ASIC2: variants seen among roughly 807,000 people sequenced by gnomAD.
The protein encoded by ASIC2 is acid-sensing ion channel 2.
A neutral mutation model predicts 57.3 loss-of-function variants in ASIC2; 25 were observed. The observed-to-expected ratio is 0.44, with a 90% CI of 0.32 to 0.61. The LOEUF (loss-of-function observed/expected upper bound fraction) is 0.61. ASIC2 is among the 20% of genes least tolerant of loss of function. The probability of loss-of-function intolerance (pLI) is 0.06; values close to 1 mark genes in which losing one functional copy is unlikely to be tolerated. For synonymous variants in ASIC2, 319 were observed against 307.5 expected, an observed-to-expected ratio of 1.04 and a Z score of -0.39; for missense variants, 641 against 738.1, an observed-to-expected ratio of 0.87 and a Z score of 1.52.
intron 1 of ASIC2, among the ~76,000 whole-genome samples, chr17:33,208,597 G>T (rs1160667737): frequency 5.9e-5 from 9 of 152,074 alleles, no homozygotes; most frequent in Non-Finnish European, 1.3e-4. Flanking sequence ...GACCAACAAA[G>T]TCAGTCACTC....
At chr17:33,362,478 C>T (rs536063721) in intron 1 of ASIC2, among the ~76,000 whole-genome samples, 72 of 152,290 alleles carry the variant, frequency 4.7e-4, no homozygotes, top group Non-Finnish European at 6.8e-4. Flanking sequence ...GCAGAGTAAG[C>T]TCTGGATGAT....
chr17:33,942,198 G>GC (rs1400544039), intron 1 of ASIC2, among the ~76,000 whole-genome samples: 1 of 152,110 alleles, frequency 6.6e-6, no homozygotes, highest in Non-Finnish European at 1.5e-5. Flanking sequence ...ATGCCTGAAA[G>GC]CCCCTGGAGA....
At chr17:33,124,688 T>G (rs2092316436) in intron 1 of ASIC2, among the ~76,000 whole-genome samples, 1 of 152,198 alleles carries the variant, frequency 6.6e-6, no homozygotes, top group Non-Finnish European at 1.5e-5. Context: ...AGACAATTTT[T>G]ACATGGACTG....
At chr17:33,927,754 T>A (rs771360447) in intron 1 of ASIC2, among the ~76,000 whole-genome samples, 9 of 152,234 alleles carry the variant, frequency 5.9e-5, no homozygotes, top group African/African-American at 1.2e-4. Context: ...TGGGAAGCAG[T>A]GAATCAAACC....
chr17:34,101,106 T>C lies in ASIC2; in HGVS notation c.555+54872A>G, dbSNP rs191906920. Among the ~76,000 whole-genome samples the C allele has an allele frequency of 3.1e-3, 474 of 152,340 alleles. 3 individuals carry two copies. Among genetic ancestry groups the C allele is most frequent in the Non-Finnish European group, 5.7e-3 (390 of 68,040 alleles). ...AATTCACATCAGCTCTTGTTACTAC[T>C]TATTAAAACCATCCTAGCATTTCCT... On this transcript the variant is annotated intron_variant, in intron 1 of 9. Transcript: ENST00000359872.
intron 1 of ASIC2, among the ~76,000 whole-genome samples, chr17:34,015,658 G>C (rs1440388849): frequency 1.3e-5 from 2 of 152,216 alleles, no homozygotes; most frequent in South Asian, 2.1e-4. Flanking sequence ...GCTACCCTAT[G>C]ATGGCCACAG....
chr17:33,856,658 G>C (rs917564807), intron 1 of ASIC2, among the ~76,000 whole-genome samples: 2 of 98,942 alleles, frequency 2.0e-5, no homozygotes, highest in African/African-American at 6.2e-5. Context: ...GCTAGACACA[G>C]AGGGTGTGCT....
Position 33,112,145 on chromosome 17 carries a change from GA to G in ASIC2, c.709-79del, listed in dbSNP as rs371727767. ...GGGTCCAGAGATTGGCGAGACCCCAGAAATCTGACAGCAGGTCAGAGTCCCC... is the reference window on the plus strand; with the variant it reads ...GGGTCCAGAGATTGGCGAGACCCCAGAATCTGACAGCAGGTCAGAGTCCCC... On this transcript the variant is annotated intron_variant, in intron 1 of 9. Coordinates refer to ENST00000225823, the MANE Select transcript of ASIC2 (RefSeq NM_183377.2). The G allele has an allele frequency of 2.2e-4, 326 of 1,469,386 alleles. No homozygotes were observed. In the East Asian group the frequency reaches 5.1e-3, roughly 23 times the overall value. The allele number at this position is 1,469,386 out of a possible 1,614,324, so 91.0% of individuals were successfully genotyped here. A position where few individuals can be genotyped will look rare whatever the true frequency, so the allele number is the denominator to read the frequency against.
At chr17:33,547,410 A>C (rs115705318) in intron 1 of ASIC2, among the ~76,000 whole-genome samples, 1,814 of 152,250 alleles carry the variant, frequency 0.012, 30 homozygotes, top group African/African-American at 0.041. Flanking sequence ...CCAGCTATTC[A>C]TGAGGCTAGA....
At chr17:33,505,715 A>C (rs190755528) in intron 1 of ASIC2, among the ~76,000 whole-genome samples, 1 of 152,308 alleles carries the variant, frequency 6.6e-6, no homozygotes, top group Admixed American at 6.5e-5. Context: ...TCCTAGTCTC[A>C]GCACATCCCG....
intron 1 of ASIC2, among the ~76,000 whole-genome samples, chr17:34,116,646 T>C (rs1371977819): frequency 1.3e-5 from 2 of 152,148 alleles, no homozygotes; most frequent in Non-Finnish European, 2.9e-5. Context: ...GCTCTCTCTC[T>C]CCCTAGACCA....
Position 33,683,751 on chromosome 17 carries a change from C to T in ASIC2, c.555+472227G>A, listed in dbSNP as rs546899191. On this transcript the variant is annotated intron_variant, in intron 1 of 9. Coordinates refer to the ASIC2 transcript ENST00000359872. ...GAGACAGGGGTCTTGCTATGTTGCCCAGGCTGGTCTCAAACTCCTGGGCTC... is the reference window on the plus strand; with the variant it reads ...GAGACAGGGGTCTTGCTATGTTGCCTAGGCTGGTCTCAAACTCCTGGGCTC... Among the ~76,000 whole-genome samples the T allele has an allele frequency of 1.8e-4, 27 of 152,190 alleles. No individual in the cohort carries two copies. The East Asian group carries it at 4.1e-3, about 23-fold the overall frequency.
chr17:33,409,287 C>T (rs1910574627), intron 1 of ASIC2, among the ~76,000 whole-genome samples: 1 of 152,170 alleles, frequency 6.6e-6, no homozygotes, highest in Non-Finnish European at 1.5e-5. Context: ...ATATTCAAGG[C>T]ATGAGTTCCC....
intron 1 of ASIC2, among the ~76,000 whole-genome samples, chr17:33,528,252 G>A (rs778218044): frequency 6.6e-6 from 1 of 150,910 alleles, no homozygotes; most frequent in Non-Finnish European, 1.5e-5. Flanking sequence ...TACTGCTTCT[G>A]TTTTAAATTG....
intron 1 of ASIC2, among the ~76,000 whole-genome samples, chr17:33,764,295 C>T (rs1317941227): frequency 4.4e-5 from 6 of 137,930 alleles, no homozygotes; most frequent in Non-Finnish European, 7.6e-5. Context: ...CCAGCCTGGG[C>T]GAGAAAACAA....
In ASIC2 at chr17:34,033,586, GA is replaced by G. The variant is rs547347364; in HGVS notation, c.555+122391del. Among the ~76,000 whole-genome samples, 355 of 152,166 alleles carry G rather than the reference GA, an allele frequency of 2.3e-3. 2 individuals are homozygous for G. Among genetic ancestry groups the G allele is most frequent in the Non-Finnish European group, 3.9e-3 (267 of 67,982 alleles). On this transcript the variant is annotated intron_variant, in intron 1 of 9. Transcript: ENST00000359872. ...TTAATGAATCCGGGAGTTGCTTTTT[GA>G]AAAGATCAACGAAATTGATAGACCG...
chr17:33,913,520 C>G (rs1915513621), intron 1 of ASIC2, among the ~76,000 whole-genome samples: 2 of 152,204 alleles, frequency 1.3e-5, no homozygotes, highest in African/African-American at 4.8e-5. Context: ...GCCAATTCTT[C>G]TGAATCATTT....
chr17:33,567,877 C>T (rs1162122853), intron 1 of ASIC2, among the ~76,000 whole-genome samples: 3 of 152,040 alleles, frequency 2.0e-5, no homozygotes, highest in Non-Finnish European at 2.9e-5. Flanking sequence ...GGTCTCTCTC[C>T]CCCACTCTAC....
intron 1 of ASIC2, among the ~76,000 whole-genome samples, chr17:33,476,720 G>C (rs1913242026): frequency 6.6e-6 from 1 of 151,956 alleles, no homozygotes; most frequent in African/African-American, 2.4e-5. Context: ...ATGTGTCCCT[G>C]TGGGAGGCCC....
Sources: gnomAD v4.1 joint callset for allele counts (sites outside exome capture counted in the v4.1 genomes callset) on GRCh38, gnomAD v4.1.1 for gene constraint, MANE v1.5 for transcripts, NCBI Gene and HGNC (gene_info 2026-07-23, HGNC 2026-07-21) for gene names.